The following NEDD4L variants were observed in gnomAD, a reference collection of about 807,000 sequenced individuals.
NEDD4L encodes E3 ubiquitin-protein ligase NEDD4-like.
In NEDD4L, 54 loss-of-function variants were observed where a neutral mutation model predicts 148.9. The observed-to-expected ratio is 0.36, with a 90% confidence interval of 0.29 to 0.45. NEDD4L has a LOEUF of 0.45. Among genes scored for constraint, NEDD4L ranks in the 20% least tolerant of loss-of-function variants. The probability of loss-of-function intolerance (pLI) is 1.00; values close to 1 mark genes in which losing one functional copy is unlikely to be tolerated. For synonymous variants in NEDD4L, 433 were observed against 440.7 expected (o/e 0.98, Z 0.22); for missense variants, 856 against 1,233.8 (o/e 0.69, Z 4.59).
chr18:58,107,000 A>T (rs1244185087), intron 1 of NEDD4L, among the ~76,000 whole-genome samples: 3 of 152,144 alleles, frequency 2.0e-5, no homozygotes, highest in African/African-American at 7.2e-5. Context: ...ATAATCTTGG[A>T]TGTTGGAAGT....
intron 5 of NEDD4L, among the ~76,000 whole-genome samples, chr18:58,290,294 A>C (rs1174783823): frequency 6.6e-6 from 1 of 152,260 alleles, no homozygotes; most frequent in Non-Finnish European, 1.5e-5. Flanking sequence ...TAATCTTATT[A>C]AAGTGCAACA....
intron 2 of NEDD4L, among the ~76,000 whole-genome samples, chr18:58,223,171 A>G (rs1363956210): frequency 6.6e-6 from 1 of 152,054 alleles, no homozygotes; most frequent in Non-Finnish European, 1.5e-5. Context: ...GAGGAAGTAA[A>G]CATCTGTATT....
rs868428514 is a variant in NEDD4L, at chr18:58,350,908, A to G, written c.1654-83A>G. 7.7e-5 allele frequency: 81 copies of G among 1,049,280 alleles called. 1 individual carries two copies. The Middle Eastern group carries it at 3.0e-3, about 39-fold the overall frequency. 65.0% of individuals were successfully genotyped at this position (1,049,280 alleles called of 1,614,324 possible). A position where few individuals can be genotyped will look rare whatever the true frequency, so the allele number is the denominator to read the frequency against. On this transcript the variant is annotated intron_variant, in intron 17 of 30. Transcript: ENST00000400345. The stretch of plus-strand genomic sequence containing the variant: ...GCAGAAAAGAGTACAGAGGTGTTCT[A>G]TAGTTTTTAAATGTTGCCTTTGATT...
chr18:58,266,815 A>AAG (rs1294530873), intron 5 of NEDD4L, among the ~76,000 whole-genome samples: 2 of 152,138 alleles, frequency 1.3e-5, no homozygotes. Flanking sequence ...TATAGGTACT[A>AAG]AGAGTCTTGT....
chr18:58,265,619 C>T (rs186474821), intron 5 of NEDD4L, among the ~76,000 whole-genome samples: 152 of 152,042 alleles, frequency 1.0e-3, no homozygotes, highest in African/African-American at 2.7e-3. Context: ...GGCTGGAGTA[C>T]GGTGGCGTTA....
intron 1 of NEDD4L, among the ~76,000 whole-genome samples, chr18:58,084,671 T>TTGTGTGGGTGGGTGTGTG (rs372571146): frequency 7.5e-6 from 1 of 133,738 alleles, no homozygotes; most frequent in Non-Finnish European, 1.6e-5. Context: ...TGTGGGGTTT[T>TTGTGTGGGTGGGTGTGTG]TGTGTGTGTG....
chr18:58,291,107 C>G, intron 5 of NEDD4L, among the ~76,000 whole-genome samples: 1 of 151,640 alleles, frequency 6.6e-6, no homozygotes, highest in African/African-American at 2.4e-5. Context: ...CACAGAGAAC[C>G]AGGCCGACCG....
chr18:58,385,641 G>A, intron 26 of NEDD4L, 55 bp downstream of exon 26: 1 of 1,411,806 alleles, frequency 7.1e-7, no homozygotes, highest in Non-Finnish European at 1.0e-6. Context: ...CGGGTCGATG[G>A]GGGATCGCGC....
At chr18:58,265,215 G>A (rs958554999) in intron 5 of NEDD4L, among the ~76,000 whole-genome samples, 2 of 152,104 alleles carry the variant, frequency 1.3e-5, no homozygotes, top group Non-Finnish European at 2.9e-5. Flanking sequence ...CAGGGATGTG[G>A]TGGTCATATT....
intron 1 of NEDD4L, among the ~76,000 whole-genome samples, chr18:58,140,812 C>T (rs1352143202): frequency 6.6e-6 from 1 of 152,198 alleles, no homozygotes; most frequent in African/African-American, 2.4e-5. Context: ...GAGGTAAAGC[C>T]AGTGGAGTGG....
intron 1 of NEDD4L, among the ~76,000 whole-genome samples, chr18:58,051,803 A>G (rs1186339172): frequency 6.6e-6 from 1 of 152,232 alleles, no homozygotes; most frequent in Non-Finnish European, 1.5e-5. Flanking sequence ...GTCCATGCTA[A>G]GGAGGATTAG....
At chr18:58,230,077 G>A (rs1380802151) in intron 2 of NEDD4L, among the ~76,000 whole-genome samples, 2 of 152,102 alleles carry the variant, frequency 1.3e-5, no homozygotes, top group Non-Finnish European at 2.9e-5. Flanking sequence ...GAAAAATGAC[G>A]CTAAGAATGT....
At position 58,252,015 on chromosome 18, in the gene NEDD4L, T is replaced by C; in HGVS notation, c.258T>C (p.Asn86=). 1 of 1,583,204 alleles carries C rather than the reference T, an allele frequency of 6.3e-7. No individual in the cohort carries two copies. The highest frequency in any genetic ancestry group is 2.2e-5 in the East Asian group (1 of 44,682). The change falls in exon 5 of 31, where the codon AAT becomes AAC. Residue 86 remains asparagine (N), a synonymous_variant. Coordinates refer to ENST00000400345, the MANE Select transcript of NEDD4L (RefSeq NM_001144967.3). The part of the protein sequence containing the change: ...EEFYFRVNPS[N]HRLLFEVFDE... ...GTTCCTTATAGGTAAACCCATCTAA[T>C]CACAGACTCCTATTTGAAGTATTTG...
intron 1 of NEDD4L, chr18:58,046,775 C>A (rs2081604640): frequency 6.6e-6 from 1 of 152,180 alleles, no homozygotes; most frequent in African/African-American, 2.4e-5. Context: ...TAGGAAATAG[C>A]AAGAGGTGAT....
At chr18:58,101,550 G>A (rs531813377) in intron 1 of NEDD4L, among the ~76,000 whole-genome samples, 11 of 152,162 alleles carry the variant, frequency 7.2e-5, no homozygotes, top group Admixed American at 2.0e-4. Context: ...CGTGTCGAGT[G>A]TCATTTGAGT....
chr18:58,116,148 G>A (rs773269136), intron 1 of NEDD4L, among the ~76,000 whole-genome samples: 2 of 152,186 alleles, frequency 1.3e-5, no homozygotes, highest in Non-Finnish European at 2.9e-5. Context: ...CTGATAGAAC[G>A]CAGTGACCAC....
At chr18:58,068,476 G>C (rs1010316529) in intron 1 of NEDD4L, among the ~76,000 whole-genome samples, 2 of 152,214 alleles carry the variant, frequency 1.3e-5, no homozygotes, top group Admixed American at 1.3e-4. Flanking sequence ...TGGGATTACA[G>C]GCATGAGCCA....
intron 5 of NEDD4L, among the ~76,000 whole-genome samples, chr18:58,279,678 T>C (rs1942107163): frequency 6.6e-6 from 1 of 152,226 alleles, no homozygotes; most frequent in South Asian, 2.1e-4. Context: ...GGACTTTGCA[T>C]TGATCAACTT....
At chr18:58,237,101 G>A (rs974260209) in intron 2 of NEDD4L, among the ~76,000 whole-genome samples, 2 of 151,562 alleles carry the variant, frequency 1.3e-5, no homozygotes, top group African/African-American at 2.4e-5. Flanking sequence ...TATATATATC[G>A]CCACCTTTCA....
Sources: gnomAD v4.1 joint callset for allele counts (sites outside exome capture counted in the v4.1 genomes callset) on GRCh38, gnomAD v4.1.1 for gene constraint, MANE v1.5 for transcripts, NCBI Gene and HGNC (gene_info 2026-07-23, HGNC 2026-07-21) for gene names.